The following SLCO3A1 variants were observed in gnomAD, a reference collection of about 807,000 sequenced individuals.
SLCO3A1 encodes PGE1 transporter.
Under a neutral mutation model 63.1 loss-of-function variants are expected in SLCO3A1, and 27 were observed. That is an observed-to-expected ratio of 0.43 (90% CI 0.32 to 0.59). The LOEUF is 0.59. SLCO3A1 is among the 20% of genes least tolerant of loss of function. SLCO3A1 has a pLI of 0.09. For missense variants in SLCO3A1, 773 were observed against 945.8 expected (o/e 0.82, Z 2.40); for synonymous variants, 473 against 409.9 (o/e 1.15, Z -1.86).
rs933683368 is a variant in SLCO3A1 at position 91,872,113 on chromosome 15, G to A, written c.180+18025G>A. Among the ~76,000 whole-genome samples the A allele has an allele frequency of 7.9e-5, 12 of 152,140 alleles. No homozygotes were observed. The highest frequency in any genetic ancestry group is 1.9e-4 in the African/African-American group (8 of 41,402). ...CTCTGTGGAAAGGGGAATTGCCTTC[G>A]TCGAGGATGTGGTGTGTGCCCGGGA... On this transcript the variant is annotated intron_variant, in intron 1 of 9. Coordinates refer to ENST00000318445, the MANE Select transcript of SLCO3A1 (RefSeq NM_013272.4). This position sits in a 1 kb window ranked among gnomAD's most constrained non-coding sequence, Gnocchi z 4.1.
rs1460359808 is a variant in SLCO3A1 at position 91,894,842 on chromosome 15, T to C, written c.181-21151T>C. ...TCTGCCACACAGAGGCACAGAACAG[T>C]GAAACCCCCGGAGGGACAGGGAGTG... On this transcript the variant is annotated intron_variant, in intron 1 of 9. Coordinates refer to ENST00000318445, the MANE Select transcript of SLCO3A1 (RefSeq NM_013272.4). This position sits in a 1 kb window ranked among gnomAD's most constrained non-coding sequence, Gnocchi z 4.8. Among the ~76,000 whole-genome samples the C allele has an allele frequency of 1.3e-5, 2 of 149,420 alleles. No individual in the cohort carries two copies. Among genetic ancestry groups the C allele is most frequent in the Non-Finnish European group, 3.0e-5 (2 of 66,246 alleles).
In SLCO3A1 at chr15:91,942,607, C is replaced by A. The variant is rs987376527; in HGVS notation, c.646+26149C>A. ...TTTGTTTGTTTGTTTGTTTCGAGACCGAGTCTTGCTCTGTCGACCAGGCTG... is the reference window on the plus strand; with the variant it reads ...TTTGTTTGTTTGTTTGTTTCGAGACAGAGTCTTGCTCTGTCGACCAGGCTG... On this transcript the variant is annotated intron_variant, in intron 2 of 9. Coordinates refer to ENST00000318445, the MANE Select transcript of SLCO3A1 (RefSeq NM_013272.4). The surrounding 1 kb of genome is among the most constrained non-coding windows in gnomAD (Gnocchi z 4.1). Among the ~76,000 whole-genome samples the A allele has an allele frequency of 6.6e-6, 1 of 152,106 alleles. No individual in the cohort carries two copies. Among genetic ancestry groups the A allele is most frequent in the Admixed American group, 6.5e-5 (1 of 15,276 alleles).
chr15:91,974,683 A>G (rs1253869228), intron 2 of SLCO3A1, among the ~76,000 whole-genome samples: 1 of 152,134 alleles, frequency 6.6e-6, no homozygotes, highest in African/African-American at 2.4e-5. Flanking sequence ...GCCTCCTGCA[A>G]GTGTCCACTG....
intron 2 of SLCO3A1, among the ~76,000 whole-genome samples, chr15:92,091,744 C>T (rs2047480047): frequency 6.6e-6 from 1 of 152,174 alleles, no homozygotes; most frequent in African/African-American, 2.4e-5. Flanking sequence ...AGAGGTTGCA[C>T]CTGAGGAGGA....
At chr15:92,127,169 C>T (rs996334168) in intron 6 of SLCO3A1, among the ~76,000 whole-genome samples, 5 of 152,192 alleles carry the variant, frequency 3.3e-5, no homozygotes, top group Non-Finnish European at 7.3e-5. Context: ...CGGGGTTGCC[C>T]CTTCCAATCC....
chr15:91,973,723 A>G (rs1321310015), intron 2 of SLCO3A1, among the ~76,000 whole-genome samples: 1 of 152,144 alleles, frequency 6.6e-6, no homozygotes, highest in African/African-American at 2.4e-5. Flanking sequence ...GAGGCTGCGG[A>G]TGCTGTCAAG....
intron 1 of SLCO3A1, among the ~76,000 whole-genome samples, chr15:91,904,422 C>G (rs1162638757): frequency 6.6e-6 from 1 of 152,132 alleles, no homozygotes; most frequent in Non-Finnish European, 1.5e-5. Context: ...GTGCGTGATA[C>G]ATTGCAAATT....
chr15:91,875,127 G>A lies in SLCO3A1; in HGVS notation c.180+21039G>A, dbSNP rs1354867774. The stretch of plus-strand genomic sequence containing the variant: ...TGCCCTTTTAATAGATGAGTCAGTT[G>A]CTGAAATTCTGAGTAGGCTCTGACT... On this transcript the variant is annotated intron_variant, in intron 1 of 9. Coordinates refer to ENST00000318445, the MANE Select transcript of SLCO3A1 (RefSeq NM_013272.4). The surrounding 1 kb of genome is among the most constrained non-coding windows in gnomAD (Gnocchi z 4.5). Among the ~76,000 whole-genome samples, 1 of 152,200 alleles carries A rather than the reference G, an allele frequency of 6.6e-6. No individual in the cohort carries two copies. The highest frequency in any genetic ancestry group is 1.5e-5 in the Non-Finnish European group (1 of 68,030).
intron 2 of SLCO3A1, among the ~76,000 whole-genome samples, chr15:92,065,848 A>G (rs1276759160): frequency 6.6e-6 from 1 of 152,222 alleles, no homozygotes; most frequent in Non-Finnish European, 1.5e-5. Context: ...TTTAAAGTGG[A>G]GAAGAAGTTA....
chr15:92,005,359 C>T (rs1288784431), intron 2 of SLCO3A1, among the ~76,000 whole-genome samples: 3 of 152,180 alleles, frequency 2.0e-5, no homozygotes, highest in South Asian at 4.1e-4. Context: ...CATAGTGTGC[C>T]GAAGGGGCTG....
chr15:92,047,590 T>TAA lies in SLCO3A1; in HGVS notation c.647-47290_647-47289insAA, dbSNP rs1567088067. On this transcript the variant is annotated intron_variant, in intron 2 of 9. Transcript: ENST00000318445. Reference sequence around the variant, plus strand: ...TATATAAATATATATATAATATATATATAATATATAATATATATATAATAT... The same window carrying TAA: ...TATATAAATATATATATAATATATATAAATAATATATAATATATATATAATAT... Among the ~76,000 whole-genome samples, 6 of 9,012 alleles carry TAA rather than the reference T, an allele frequency of 6.7e-4. 2 individuals are homozygous for TAA. Among genetic ancestry groups the TAA allele is most frequent in the African/African-American group, 1.4e-3 (6 of 4,224 alleles). 5.9% of individuals were successfully genotyped at this position (9,012 alleles called of 152,430 possible). A position where few individuals can be genotyped will look rare whatever the true frequency, so the allele number is the denominator to read the frequency against.
chr15:92,011,059 A>G (rs972232438), intron 2 of SLCO3A1, among the ~76,000 whole-genome samples: 5 of 152,172 alleles, frequency 3.3e-5, no homozygotes, highest in African/African-American at 1.2e-4. Context: ...AATCCTCACA[A>G]TAGCCTTCAA....
At chr15:91,870,221 C>A (rs992769759) in intron 1 of SLCO3A1, among the ~76,000 whole-genome samples, 4 of 152,160 alleles carry the variant, frequency 2.6e-5, no homozygotes, top group African/African-American at 9.7e-5. Context: ...AGAGTTCTTT[C>A]TATTCTTATA....
chr15:91,925,532 T>C (rs934002524), intron 2 of SLCO3A1, among the ~76,000 whole-genome samples: 3 of 151,118 alleles, frequency 2.0e-5, no homozygotes, highest in Non-Finnish European at 4.4e-5. Flanking sequence ...GTGGTTGCTG[T>C]GGGTTGCAGA....
chr15:91,861,377 C>A (rs762905570), intron 1 of SLCO3A1, among the ~76,000 whole-genome samples: 1 of 152,152 alleles, frequency 6.6e-6, no homozygotes, highest in Non-Finnish European at 1.5e-5. Flanking sequence ...TATTTCGGTT[C>A]TTCTTTGTGG....
chr15:91,941,536 C>T lies in SLCO3A1; in HGVS notation c.646+25078C>T. The T allele has an allele frequency of 2.2e-6, 1 of 455,996 alleles. No individual in the cohort carries two copies. Among genetic ancestry groups the T allele is most frequent in the Non-Finnish European group, 4.4e-6 (1 of 226,788 alleles). The allele number at this position is 455,996 out of a possible 1,614,324, so 28.2% of individuals were successfully genotyped here. A position where few individuals can be genotyped will look rare whatever the true frequency, so the allele number is the denominator to read the frequency against. On this transcript the variant is annotated intron_variant, in intron 2 of 9. Transcript: ENST00000318445. The surrounding 1 kb of genome is among the most constrained non-coding windows in gnomAD (Gnocchi z 4.4). ...AGTTACCTAGCTTTTCTGAGCCTCA[C>T]TTTCTTGGCAATTAGATGAACCAGA...
intron 2 of SLCO3A1, among the ~76,000 whole-genome samples, chr15:92,068,604 C>T (rs1427756477): frequency 6.6e-6 from 1 of 152,136 alleles, no homozygotes; most frequent in Non-Finnish European, 1.5e-5. Context: ...CTTGCTGGGG[C>T]CACAACGCTC....
At chr15:91,880,170 C>CATCCATCCATCTATCT (rs1337739872) in intron 1 of SLCO3A1, among the ~76,000 whole-genome samples, 1 of 126,186 alleles carries the variant, frequency 7.9e-6, no homozygotes, top group East Asian at 2.5e-4. Context: ...TCCATCCATC[C>CATCCATCCATCTATCT]ATCTATCTAT....
At chr15:92,001,235 A>G (rs2046251599) in intron 2 of SLCO3A1, among the ~76,000 whole-genome samples, 1 of 152,066 alleles carries the variant, frequency 6.6e-6, no homozygotes, top group African/African-American at 2.4e-5. Context: ...GGCGAACAAA[A>G]GAAAACATGC....
Sources: gnomAD v4.1 joint callset for allele counts (sites outside exome capture counted in the v4.1 genomes callset) on GRCh38, gnomAD v4.1.1 for gene constraint, Gnocchi (gnomAD v3.1) non-coding constraint, MANE v1.5 for transcripts, NCBI Gene and HGNC (gene_info 2026-07-23, HGNC 2026-07-21) for gene names.